The following KHSRP variants were observed in gnomAD, a reference collection of about 807,000 sequenced individuals.
KHSRP encodes the protein KH-type splicing regulatory protein, also known as far upstream element-binding protein 2.
A neutral mutation model predicts 94.9 loss-of-function variants in KHSRP; 13 were observed. The ratio of observed to expected loss-of-function variants is 0.14; its 90% CI spans 0.09 to 0.22. The LOEUF is 0.22. KHSRP is among the 10% of genes least tolerant of loss of function. KHSRP has a pLI of 1.00. For synonymous variants in KHSRP, 495 were observed against 401.4 expected (o/e 1.23, Z -2.79); for missense variants, 710 against 1,010.0 (o/e 0.70, Z 4.03).
chr19:6,421,340 A>G (rs1487911017), intron 3 of KHSRP, 23 bp from the exon 4 acceptor site: 2 of 1,581,028 alleles, frequency 1.3e-6, no homozygotes, highest in South Asian at 2.3e-5. Flanking sequence ...AACCCAAAGC[A>G]AAGACTGGCT....
In KHSRP at chr19:6,420,465, T is replaced by A; in HGVS notation, c.432A>T (p.Ser144=). The change falls in exon 5 of 19, where the codon TCA becomes TCT. Residue 144 remains serine, a synonymous_variant. Coordinates refer to ENST00000600480, the MANE Select transcript of KHSRP (RefSeq NM_001366299.1). ...LGPIHPPPRT[S]MTEEYRVPDG... Reference sequence around the variant, plus strand: ...CTGGGACCCTGTACTCTTCTGTCATTGAAGTCCTGTAAAGAGACACGCCAA... The same window carrying A: ...CTGGGACCCTGTACTCTTCTGTCATAGAAGTCCTGTAAAGAGACACGCCAA... 2.5e-6 allele frequency: 4 copies of A among 1,613,962 alleles called. No homozygotes were observed. The highest frequency in any genetic ancestry group is 3.4e-6 in the Non-Finnish European group (4 of 1,179,858).
chr19:6,420,401 C>T (rs1240288110), intron 5 of KHSRP, 21 bp downstream of exon 5: 1 of 1,612,722 alleles, frequency 6.2e-7, no homozygotes, highest in South Asian at 1.1e-5. Context: ...GGCCTCCCCA[C>T]CCAAGGTGAC....
Position 6,416,798 on chromosome 19 carries a change from G to C in KHSRP, c.1267C>G (p.Pro423Ala), listed in dbSNP as rs1381793828. 1 of 1,586,752 alleles carries C rather than the reference G, an allele frequency of 6.3e-7. No individual in the cohort carries two copies. Among genetic ancestry groups the C allele is most frequent in the South Asian group, 1.1e-5 (1 of 88,302 alleles). The change falls in exon 13 of 19, where the codon CCT becomes GCT. Residue 423 changes from proline (P) to alanine (A), a missense_variant. Pro to Ala is a conservative substitution (Grantham distance 27). Coordinates refer to ENST00000600480, the MANE Select transcript of KHSRP (RefSeq NM_001366299.1). ...ATGGAGAAGGTCATCTCCCCGCCAG[G>C]GGGACCCCAATTGCCTTGGCCTCTT... ...RGRGQGNWGP[P>A]GGEMTFSIPT...
intron 1 of KHSRP, among the ~76,000 whole-genome samples, chr19:6,423,621 G>A (rs1375778685): frequency 6.6e-6 from 1 of 152,210 alleles, no homozygotes; most frequent in Non-Finnish European, 1.5e-5. Context: ...AGACGACAGA[G>A]GGCCAGAACA....
chr19:6,424,545 C>A lies in KHSRP; in HGVS notation c.157G>T (p.Gly53Trp), dbSNP rs2092220571. Residue 53 changes from glycine (G) to tryptophan (W), a missense_variant, in exon 1 of 19, where the codon GGG (glycine) becomes TGG (tryptophan). This residue lies in a region of KHSRP where 92 missense variants were observed against 80.8 expected (regional missense o/e 1.14). Transcript: ENST00000600480. ...GGPGGGGPGG[G>W]SAGGPSQPPG... is the part of the protein sequence containing the mutation. ...GGCTGAGAGGGGCCCCCGGCCGACC[C>A]CCCGCCCGGGCCGCCGCCGCCGGGA... is the stretch of plus-strand genomic sequence containing the variant. 2.0e-6 allele frequency: 2 copies of A among 976,384 alleles called. No homozygotes were observed. 60.5% of individuals were successfully genotyped at this position (976,384 alleles called of 1,614,324 possible).
chr19:6,418,062 C>T lies in KHSRP; in HGVS notation c.897G>A (p.Val299=). 6.2e-7 allele frequency: 1 copy of T among 1,613,980 alleles called. No homozygotes were observed. Among genetic ancestry groups the T allele is most frequent in the Non-Finnish European group, 8.5e-7 (1 of 1,179,870 alleles). ...PYKVQQACEM[V]MDILRERDQG... ...GGTCACGTTCCCGGAGGATGTCCAT[C>T]ACCATCTCACAGGCTTGCTGCAAAC... The change falls in exon 10 of 19, where the codon GTG becomes GTA. Residue 299 remains valine, a synonymous_variant. Transcript: ENST00000600480. This position sits in a 1 kb window ranked among gnomAD's most constrained non-coding sequence, Gnocchi z 4.3.
At position 6,418,487 on chromosome 19, in the gene KHSRP, A is replaced by G. The variant is rs1440431344; in HGVS notation, c.875T>C (p.Val292Ala). Residue 292 changes from valine (V) to alanine (A), a missense_variant, in exon 9 of 19, where the codon GTG becomes GCG. By Grantham distance (64) the Val-to-Ala change is moderately conservative. Around this residue, in one of 5 missense-constraint regions of KHSRP, gnomAD observed 288 missense variants for 501.1 expected, o/e 0.57. Coordinates refer to ENST00000600480, the MANE Select transcript of KHSRP (RefSeq NM_001366299.1). The surrounding 1 kb of genome is among the most constrained non-coding windows in gnomAD (Gnocchi z 4.3). ...ACCACCCCAGGGCGTGCTCACCTGC[A>G]CTTTGTAAGGATCCCCAATGATGCG... The part of the protein sequence containing the change: ...PLRIIGDPYK[V>A]QQACEMVMDI... The G allele has an allele frequency of 6.2e-7, 1 of 1,613,194 alleles. No individual in the cohort carries two copies. Among genetic ancestry groups the G allele is most frequent in the Non-Finnish European group, 8.5e-7 (1 of 1,179,466 alleles).
chr19:6,416,053 G>C (rs539875630), intron 15 of KHSRP, among the ~76,000 whole-genome samples, 157 bp from the exon 16 acceptor site: 1 of 152,350 alleles, frequency 6.6e-6, no homozygotes, highest in East Asian at 1.9e-4. Flanking sequence ...GAAGCAACTC[G>C]AAGGACGCGC....
chr19:6,419,120 T>C, intron 7 of KHSRP, 83 bp downstream of exon 7: 1 of 1,361,658 alleles, frequency 7.3e-7, no homozygotes. Flanking sequence ...GCGTGCAAGT[T>C]GCTCCCAACT....
chr19:6,421,807 G>A, intron 2 of KHSRP, 119 bp from the exon 3 acceptor site: 1 of 1,178,048 alleles, frequency 8.5e-7, no homozygotes, highest in South Asian at 1.3e-5. Flanking sequence ...CTTAACAGGA[G>A]CTGAGACAGG....
chr19:6,415,431 G>T lies in KHSRP; in HGVS notation c.1915C>A (p.Pro639Thr). ...IGQQPQQPGA[P>T]PQQDYTKAWE... ...GCCTTCGTGTAGTCCTGCTGTGGGG[G>T]TGCTCCGGGCTGCTGGGGCTGCTGG... Residue 639 changes from proline to threonine, a missense_variant, in exon 18 of 19, where the codon CCC becomes ACC. By Grantham distance (38) the Pro-to-Thr change is conservative. Around this residue, in one of 5 missense-constraint regions of KHSRP, gnomAD observed 292 missense variants for 340.5 expected, o/e 0.86. Coordinates refer to ENST00000600480, the MANE Select transcript of KHSRP (RefSeq NM_001366299.1). 1 of 1,577,228 alleles carries T rather than the reference G, an allele frequency of 6.3e-7. No homozygotes were observed. The highest frequency in any genetic ancestry group is 8.6e-7 in the Non-Finnish European group (1 of 1,161,524).
At position 6,416,521 on chromosome 19, in the gene KHSRP, T is replaced by A. The variant is rs1020777032; in HGVS notation, c.1457A>T (p.His486Leu). The stretch of plus-strand genomic sequence containing the variant: ...CTTTTCCTCGATAAGCTGCTTGGCG[T>A]GGTCAATCTGCTGGGGTGAACCCCG... ...IIRGSPQQID[H>L]AKQLIEEKIE... is the part of the protein sequence containing the mutation. Residue 486 changes from histidine (H) to leucine (L), a missense_variant, in exon 14 of 19, where the codon CAC becomes CTC. Coordinates refer to ENST00000600480, the MANE Select transcript of KHSRP (RefSeq NM_001366299.1). 1 of 1,613,528 alleles carries A rather than the reference T, an allele frequency of 6.2e-7. No homozygotes were observed. The highest frequency in any genetic ancestry group is 8.5e-7 in the Non-Finnish European group (1 of 1,179,670).
At chr19:6,423,818 T>A (rs1274575194) in intron 1 of KHSRP, among the ~76,000 whole-genome samples, 1 of 152,184 alleles carries the variant, frequency 6.6e-6, no homozygotes, top group Non-Finnish European at 1.5e-5. Context: ...TGACACTTCC[T>A]TGTCATTACG....
chr19:6,414,383 C>G lies in KHSRP; in HGVS notation c.*641G>C, dbSNP rs2092125663. The G allele has an allele frequency of 3.8e-6, 5 of 1,330,776 alleles. No individual in the cohort carries two copies. Among genetic ancestry groups the G allele is most frequent in the Non-Finnish European group, 9.6e-7 (1 of 1,039,486 alleles). 82.4% of individuals were successfully genotyped at this position (1,330,776 alleles called of 1,614,324 possible). A position where few individuals can be genotyped will look rare whatever the true frequency, so the allele number is the denominator to read the frequency against. ...AGAGGGGCCGCGGAGGGCGGAGGCG[C>G]TAGGGTCGTAGGGGAGCTGCCCTGT... On this transcript the variant is annotated 3_prime_UTR_variant, in exon 19 of 19. Transcript: ENST00000600480.
In KHSRP at chr19:6,415,638, GCGGGGC is replaced by G. The variant is rs1200363689; in HGVS notation, c.1778_1783del (p.Gly593_Pro594del). 2.6e-6 allele frequency: 4 copies of G among 1,532,200 alleles called. No homozygotes were observed. Among genetic ancestry groups the G allele is most frequent in the African/African-American group, 2.7e-5 (2 of 72,792 alleles). The allele number at this position is 1,532,200 out of a possible 1,614,324, so 94.9% of individuals were successfully genotyped here. A position where few individuals can be genotyped will look rare whatever the true frequency, so the allele number is the denominator to read the frequency against. ...AGCCGGTGGGGCCGCAGGGGCCGGT[GCGGGGC>G]CGGGGACGGGGCCCGGGGGCTGCTG... On this transcript the variant is annotated inframe_deletion, in exon 17 of 19. Transcript: ENST00000600480.
intron 7 of KHSRP, 52 bp downstream of exon 7, chr19:6,419,151 C>T: frequency 6.6e-7 from 1 of 1,508,962 alleles, no homozygotes; most frequent in East Asian, 2.4e-5. Context: ...ACGGACAGAG[C>T]AGGCTTCTGC....
rs1225357436 is a variant in KHSRP, at chr19:6,414,366, C to T, written c.*658G>A. 3.5e-5 allele frequency: 47 copies of T among 1,352,504 alleles called. No individual in the cohort carries two copies. The highest frequency in any genetic ancestry group is 2.5e-4 in the Middle Eastern group (1 of 3,938). The allele number at this position is 1,352,504 out of a possible 1,614,324, so 83.8% of individuals were successfully genotyped here. ...CAGAGCAGGAAGAGAGGAGAGGGGC[C>T]GCGGAGGGCGGAGGCGCTAGGGTCG... is the stretch of plus-strand genomic sequence containing the variant. On this transcript the variant is annotated 3_prime_UTR_variant, in exon 19 of 19. Transcript: ENST00000600480.
rs115485063 is a variant in KHSRP at position 6,421,205 on chromosome 19, C to T, written c.425+73G>A. On this transcript the variant is annotated intron_variant, in intron 4 of 18. Transcript: ENST00000600480. ...GAGAGATGTGCCCCCAGTCAGAGCC[C>T]TCCCAAGTCAGCAGAAAGGCCAGTC... is the stretch of plus-strand genomic sequence containing the variant. The T allele has an allele frequency of 6.1e-4, 860 of 1,418,348 alleles. 5 individuals are homozygous for T. In the African/African-American group the frequency reaches 0.01, roughly 17 times the overall value. The allele number at this position is 1,418,348 out of a possible 1,614,324, so 87.9% of individuals were successfully genotyped here.
Position 6,418,991 on chromosome 19 carries a change from G to A in KHSRP, c.606-115C>T, listed in dbSNP as rs2092176398. On this transcript the variant is annotated intron_variant, in intron 7 of 18. Transcript: ENST00000600480. This position sits in a 1 kb window ranked among gnomAD's most constrained non-coding sequence, Gnocchi z 4.3. The stretch of plus-strand genomic sequence containing the variant: ...CCCCAGAGTGTGCAAGGATGACAGG[G>A]AAGAGGGGCCAGTCACAGGGGCTGT... The A allele has an allele frequency of 3.3e-6, 4 of 1,228,834 alleles. No homozygotes were observed. The highest frequency in any genetic ancestry group is 3.3e-6 in the Non-Finnish European group (3 of 906,512). The allele number at this position is 1,228,834 out of a possible 1,614,324, so 76.1% of individuals were successfully genotyped here.
Sources: gnomAD v4.1 joint callset for allele counts (sites outside exome capture counted in the v4.1 genomes callset) on GRCh38, gnomAD v4.1.1 for gene constraint, gnomAD v4.1.1 regional missense constraint, Gnocchi (gnomAD v3.1) non-coding constraint, MANE v1.5 for transcripts, NCBI Gene and HGNC (gene_info 2026-07-23, HGNC 2026-07-21) for gene names.